STAP1: variants seen among roughly 807,000 people sequenced by gnomAD.
The protein encoded by STAP1 is signal-transducing adaptor protein 1.
STAP1 carries 30 observed loss-of-function variants against 37.8 expected under a neutral mutation model. The ratio of observed to expected loss-of-function variants is 0.79; its 90% CI spans 0.59 to 1.08. STAP1 has a LOEUF of 1.08. Among genes scored for constraint, STAP1 ranks in the 50% least tolerant of loss-of-function variants. The probability of loss-of-function intolerance (pLI) is 0.00; values close to 1 mark genes in which losing one functional copy is unlikely to be tolerated. For synonymous variants in STAP1, 130 were observed against 116.0 expected (o/e 1.12, Z -0.78); for missense variants, 357 against 349.4 (o/e 1.02, Z -0.17).
At chr4:67,588,032 A>G (rs1376193235) in intron 6 of STAP1, among the ~76,000 whole-genome samples, 2 of 76,708 alleles carry the variant, frequency 2.6e-5, no homozygotes, top group Admixed American at 1.8e-4. Flanking sequence ...CTGGGGACAC[A>G]TTTTCTTAAA....
At chr4:67,605,388 CAA>C (rs10643250) in intron 8 of STAP1, among the ~76,000 whole-genome samples, 1 of 124,740 alleles carries the variant, frequency 8.0e-6, no homozygotes. Context: ...ATAGACAATA[CAA>C]AAAAAAAAAA....
At chr4:67,576,156 A>T (rs1395242064) in intron 3 of STAP1, among the ~76,000 whole-genome samples, 1 of 152,114 alleles carries the variant, frequency 6.6e-6, no homozygotes, top group Non-Finnish European at 1.5e-5. Flanking sequence ...CTCCTCTCAG[A>T]TGAAACCCCC....
chr4:67,592,100 C>A (rs895074969), intron 7 of STAP1, among the ~76,000 whole-genome samples: 4 of 145,360 alleles, frequency 2.8e-5, no homozygotes, highest in Non-Finnish European at 6.0e-5. Context: ...TACTCCTCAA[C>A]CCCTCAGTAA....
chr4:67,591,660 G>A (rs1362106767), intron 7 of STAP1, among the ~76,000 whole-genome samples: 1 of 152,144 alleles, frequency 6.6e-6, no homozygotes, highest in Non-Finnish European at 1.5e-5. Flanking sequence ...TAGAACTGGT[G>A]GGTCTTGAAG....
At chr4:67,583,495 T>A in intron 5 of STAP1, 79 bp from the exon 6 acceptor site, 1 of 1,432,382 alleles carries the variant, frequency 7.0e-7, no homozygotes, top group Non-Finnish European at 9.3e-7. Context: ...CTCTCAAAGT[T>A]ATTTTGGTAG....
chr4:67,596,196 A>T (rs868774059), intron 8 of STAP1, among the ~76,000 whole-genome samples: 5 of 152,064 alleles, frequency 3.3e-5, no homozygotes, highest in Admixed American at 6.6e-5. Flanking sequence ...GGGAGTTCTC[A>T]TGAGATCTGA....
chr4:67,559,342 C>T (rs192972451), intron 1 of STAP1, among the ~76,000 whole-genome samples: 2 of 152,048 alleles, frequency 1.3e-5, no homozygotes, highest in African/African-American at 4.8e-5. Flanking sequence ...AAACCTGCTC[C>T]TGTTCTGAGT....
chr4:67,597,713 A>G (rs1407945701), intron 8 of STAP1, among the ~76,000 whole-genome samples: 1 of 152,212 alleles, frequency 6.6e-6, no homozygotes, highest in Admixed American at 6.5e-5. Flanking sequence ...TTAAGATTTA[A>G]TAATTGCCTT....
At chr4:67,594,861 A>C (rs1437955111) in intron 8 of STAP1, among the ~76,000 whole-genome samples, 1 of 152,056 alleles carries the variant, frequency 6.6e-6, no homozygotes, top group Non-Finnish European at 1.5e-5. Flanking sequence ...TATCTATTTA[A>C]ATCTTTTGCC....
chr4:67,558,734 T>C lies in STAP1; in HGVS notation c.-76T>C. ...ATTTGGGACTTCCTCTTTGAACAGT[T>C]GCCTTTTCCTCTCACAGAAGGAAGA... On this transcript the variant is annotated 5_prime_UTR_variant, in exon 1 of 9. Transcript: ENST00000265404. The C allele has an allele frequency of 6.4e-7, 1 of 1,554,700 alleles. No individual in the cohort carries two copies. The highest frequency in any genetic ancestry group is 8.7e-7 in the Non-Finnish European group (1 of 1,153,058).
chr4:67,601,859 CCT>C lies in STAP1; in HGVS notation c.827-4436_827-4435del, dbSNP rs1271079613. On this transcript the variant is annotated intron_variant, in intron 8 of 8. Transcript: ENST00000265404. ...GTGAAATCTGCTTGGTGTTCTATAACCTTTTGTACTTGAATATTTATATCTTT... is the reference window on the plus strand; with the variant it reads ...GTGAAATCTGCTTGGTGTTCTATAACTTTGTACTTGAATATTTATATCTTT... Among the ~76,000 whole-genome samples the C allele has an allele frequency of 3.3e-5, 5 of 152,184 alleles. No homozygotes were observed. The East Asian group carries it at 9.7e-4, about 29-fold the overall frequency.
intron 8 of STAP1, among the ~76,000 whole-genome samples, chr4:67,601,537 G>T (rs896746507): frequency 6.6e-6 from 1 of 152,150 alleles, no homozygotes; most frequent in Non-Finnish European, 1.5e-5. Context: ...TTTTAGGACA[G>T]GTCTGGTATT....
chr4:67,592,650 A>C (rs1364033935), intron 7 of STAP1, among the ~76,000 whole-genome samples: 1 of 152,140 alleles, frequency 6.6e-6, no homozygotes, highest in Non-Finnish European at 1.5e-5. Context: ...TTTCAGAAAG[A>C]AAGCATTTTC....
chr4:67,590,800 T>C (rs1230355619), intron 6 of STAP1, 84 bp from the exon 7 acceptor site: 7 of 760,250 alleles, frequency 9.2e-6, no homozygotes, highest in African/African-American at 7.3e-5. Context: ...AGGTTGATTA[T>C]ACAGGTGATA....
At chr4:67,568,383 T>C (rs1481346567) in intron 1 of STAP1, among the ~76,000 whole-genome samples, 2 of 152,240 alleles carry the variant, frequency 1.3e-5, no homozygotes, top group Admixed American at 6.5e-5. Context: ...ATGATTAACA[T>C]GTTTATTAAA....
chr4:67,583,753 TA>T, intron 6 of STAP1, 51 bp downstream of exon 6: 1 of 1,582,398 alleles, frequency 6.3e-7, no homozygotes, highest in Non-Finnish European at 8.6e-7. Context: ...GTGGTATCAC[TA>T]AATACAAGTC....
intron 1 of STAP1, among the ~76,000 whole-genome samples, chr4:67,560,371 G>A (rs1384006202): frequency 3.3e-5 from 5 of 152,080 alleles, no homozygotes; most frequent in African/African-American, 9.7e-5. Flanking sequence ...TTCAGTAGGT[G>A]TTCAATCAAT....
intron 6 of STAP1, among the ~76,000 whole-genome samples, chr4:67,586,624 T>C (rs1282684086): frequency 6.6e-6 from 1 of 152,248 alleles, no homozygotes; most frequent in Admixed American, 6.5e-5. Flanking sequence ...CTAAACACAA[T>C]GAATTTCTGT....
At chr4:67,578,989 C>A (rs188303056) in intron 4 of STAP1, among the ~76,000 whole-genome samples, 1 of 151,940 alleles carries the variant, frequency 6.6e-6, no homozygotes, top group Non-Finnish European at 1.5e-5. Flanking sequence ...CCATCATGCC[C>A]GGCTAAGTTT....
Sources: gnomAD v4.1 joint callset for allele counts (sites outside exome capture counted in the v4.1 genomes callset) on GRCh38, gnomAD v4.1.1 for gene constraint, MANE v1.5 for transcripts, NCBI Gene and HGNC (gene_info 2026-07-23, HGNC 2026-07-21) for gene names.